TFEC: variants seen among roughly 807,000 people sequenced by gnomAD.
TFEC encodes the protein class E basic helix-loop-helix protein 34.
A neutral mutation model predicts 41.6 loss-of-function variants in TFEC; 31 were observed. That is an observed-to-expected ratio of 0.74 (90% CI 0.56 to 1.01). TFEC has a LOEUF of 1.01. Ranked by LOEUF, TFEC falls within the 50% of genes least tolerant of loss-of-function variation. The probability of loss-of-function intolerance (pLI) is 0.00; values close to 1 mark genes in which losing one functional copy is unlikely to be tolerated. For synonymous variants in TFEC, 143 were observed against 140.6 expected, an observed-to-expected ratio of 1.02 and a Z score of -0.12; for missense variants, 402 against 404.1, an observed-to-expected ratio of 0.99 and a Z score of 0.04.
chr7:115,946,744 C>A (rs187489289), intron 6 of TFEC, among the ~76,000 whole-genome samples: 2 of 148,038 alleles, frequency 1.4e-5, no homozygotes, highest in African/African-American at 5.0e-5. Flanking sequence ...GGATCACACC[C>A]AGGTTGATCT....
intron 3 of TFEC, among the ~76,000 whole-genome samples, chr7:116,038,851 C>G (rs1795969306): frequency 6.6e-6 from 1 of 152,056 alleles, no homozygotes; most frequent in African/African-American, 2.4e-5. Flanking sequence ...ACTTCATTCT[C>G]TACGTGTCCA....
At chr7:116,106,633 G>A (rs777402282) in intron 3 of TFEC, among the ~76,000 whole-genome samples, 1 of 151,954 alleles carries the variant, frequency 6.6e-6, no homozygotes. Flanking sequence ...ATGTCCACCC[G>A]CCTCAGCCTC....
chr7:116,046,046 A>C lies in TFEC; in HGVS notation c.199-61533T>G, dbSNP rs138523114. On this transcript the variant is annotated intron_variant, in intron 3 of 8. Transcript: ENST00000484212. ...ATATTTACCTAATACCTGTACCTCCATTGTATCTAGGAAGAACTAGCTTGC... is the reference window on the plus strand; with the variant it reads ...ATATTTACCTAATACCTGTACCTCCCTTGTATCTAGGAAGAACTAGCTTGC... Among the ~76,000 whole-genome samples the C allele has an allele frequency of 9.9e-4, 151 of 152,264 alleles. 2 individuals carry two copies. The East Asian group carries it at 0.02, about 21-fold the overall frequency.
intron 1 of TFEC, among the ~76,000 whole-genome samples, chr7:115,999,579 C>T (rs1049784361): frequency 6.6e-6 from 1 of 151,642 alleles, no homozygotes; most frequent in Non-Finnish European, 1.5e-5. Context: ...AAACCTTTAT[C>T]CAGGCTAACT....
chr7:116,047,994 T>C (rs1052881309), intron 3 of TFEC, among the ~76,000 whole-genome samples: 3 of 152,098 alleles, frequency 2.0e-5, no homozygotes, highest in East Asian at 1.9e-4. Context: ...ATCACCATCA[T>C]CAAAGACCAA....
At chr7:115,950,181 T>C (rs1450037989) in intron 6 of TFEC, among the ~76,000 whole-genome samples, 2 of 151,928 alleles carry the variant, frequency 1.3e-5, no homozygotes, top group Admixed American at 1.3e-4. Context: ...CTGGCTAACT[T>C]TTGTATTTTT....
intron 3 of TFEC, among the ~76,000 whole-genome samples, chr7:116,093,063 C>A (rs1005601297): frequency 9.2e-5 from 14 of 152,266 alleles, no homozygotes; most frequent in African/African-American, 3.1e-4. Flanking sequence ...ATTTATCCAA[C>A]CAATTAACAT....
At chr7:116,092,404 C>CAA (rs1797349523) in intron 3 of TFEC, among the ~76,000 whole-genome samples, 1 of 152,082 alleles carries the variant, frequency 6.6e-6, no homozygotes, top group African/African-American at 2.4e-5. Flanking sequence ...CTTAAATAGA[C>CAA]AAAAATCTTT....
intron 1 of TFEC, among the ~76,000 whole-genome samples, chr7:116,028,111 T>C (rs1306240815): frequency 1.3e-5 from 2 of 152,196 alleles, no homozygotes; most frequent in South Asian, 2.1e-4. Flanking sequence ...TTTTCAATTA[T>C]ACGAATTCTC....
intron 3 of TFEC, among the ~76,000 whole-genome samples, chr7:116,078,424 G>T (rs931359686): frequency 2.0e-5 from 3 of 151,918 alleles, no homozygotes; most frequent in African/African-American, 7.3e-5. Flanking sequence ...AAATAAAATT[G>T]ATAGACCATT....
At chr7:116,101,032 T>G (rs887350754) in intron 3 of TFEC, among the ~76,000 whole-genome samples, 23 of 152,074 alleles carry the variant, frequency 1.5e-4, no homozygotes, top group Non-Finnish European at 2.2e-4. Context: ...TAAAATTTCT[T>G]TAAATAAGAA....
chr7:116,113,389 G>T (rs75890390), intron 1 of TFEC, among the ~76,000 whole-genome samples: 11,626 of 151,984 alleles, frequency 0.076, 551 homozygotes, highest in East Asian at 0.25. Context: ...AGAGATTAGA[G>T]TTGTGCTAGG....
intron 3 of TFEC, among the ~76,000 whole-genome samples, chr7:116,074,325 C>A (rs1036403278): frequency 2.0e-5 from 3 of 151,766 alleles, no homozygotes; most frequent in Admixed American, 6.6e-5. Flanking sequence ...AAAGACAACC[C>A]ACATAATGGG....
intron 6 of TFEC, 80 bp downstream of exon 6, chr7:115,950,794 C>T: frequency 8.3e-6 from 9 of 1,086,230 alleles, no homozygotes. Context: ...GTCATTGGTT[C>T]TCTCCTCCCT....
intron 1 of TFEC, among the ~76,000 whole-genome samples, chr7:116,150,219 T>C (rs1043767226): frequency 6.6e-6 from 1 of 152,194 alleles, no homozygotes; most frequent in African/African-American, 2.4e-5. Context: ...TTGTATTTCT[T>C]ACTTAAAATT....
At chr7:115,968,078 G>A (rs187481171) in intron 3 of TFEC, 241 of 1,164,770 alleles carry the variant, frequency 2.1e-4, no homozygotes, top group Non-Finnish European at 2.6e-4. Context: ...AAAGCTCAAT[G>A]TTCACATACC....
At chr7:116,050,883 A>T (rs1005676244) in intron 3 of TFEC, among the ~76,000 whole-genome samples, 1 of 152,198 alleles carries the variant, frequency 6.6e-6, no homozygotes, top group African/African-American at 2.4e-5. Flanking sequence ...AATAGCAAAG[A>T]CTTGGAACCA....
intron 1 of TFEC, among the ~76,000 whole-genome samples, chr7:116,148,353 G>C (rs1228350838): frequency 6.6e-6 from 1 of 152,096 alleles, no homozygotes; most frequent in Non-Finnish European, 1.5e-5. Flanking sequence ...TGGGGTGAAG[G>C]GTGAGACAAA....
intron 1 of TFEC, among the ~76,000 whole-genome samples, chr7:116,132,194 A>G (rs1284185706): frequency 1.3e-5 from 2 of 152,210 alleles, no homozygotes; most frequent in East Asian, 3.8e-4. Context: ...AAGTTGGCCT[A>G]TAAGTCAAAG....
Sources: allele counts gnomAD v4.1 joint callset (sites outside exome capture counted in the v4.1 genomes callset), GRCh38; gene constraint gnomAD v4.1.1; transcripts MANE v1.5; gene names NCBI Gene and HGNC (gene_info 2026-07-23, HGNC 2026-07-21).